The following SRR variants were observed in gnomAD, a reference collection of about 807,000 sequenced individuals.
SRR encodes serine racemase, also known as D-serine ammonia-lyase.
In SRR, 19 loss-of-function variants were observed where a neutral mutation model predicts 32.7. The observed-to-expected ratio is 0.58, with a 90% CI of 0.40 to 0.85. The LOEUF is 0.85. Among genes scored for constraint, SRR ranks in the 40% least tolerant of loss-of-function variants. SRR has a pLI of 0.00. For synonymous variants in SRR, 142 were observed against 140.9 expected (o/e 1.01, Z -0.06); for missense variants, 373 against 404.7 (o/e 0.92, Z 0.67).
intron 1 of SRR, chr17:2,309,936 T>C (rs529640494): frequency 1.3e-5 from 2 of 152,084 alleles, no homozygotes; most frequent in African/African-American, 2.4e-5. Context: ...GTTGGTTCCA[T>C]ATGGAACCAA....
chr17:2,307,493 TG>T, intron 1 of SRR: 1 of 1,436,302 alleles, frequency 7.0e-7, no homozygotes, highest in Non-Finnish European at 9.7e-7. Context: ...ATGGCTATAA[TG>T]GATTTGGTAA....
At chr17:2,314,725 C>T (rs915956139) in intron 1 of SRR, among the ~76,000 whole-genome samples, 15 of 150,716 alleles carry the variant, frequency 1.0e-4, no homozygotes, top group African/African-American at 3.4e-4. Context: ...TGCACTCCAG[C>T]CGGGACAACA....
chr17:2,319,715 T>A (rs1448929650), intron 4 of SRR, among the ~76,000 whole-genome samples: 1 of 152,178 alleles, frequency 6.6e-6, no homozygotes, highest in Non-Finnish European at 1.5e-5. Flanking sequence ...CTCACCTATA[T>A]TCAATTCAGT....
intron 6 of SRR, 39 bp downstream of exon 6, chr17:2,321,655 G>T (rs756388075): frequency 1.3e-6 from 2 of 1,581,532 alleles, no homozygotes; most frequent in East Asian, 4.5e-5. Flanking sequence ...TCAAGCAGAG[G>T]ATTTACTTTA....
chr17:2,318,856 C>T lies in SRR; in HGVS notation c.326C>T (p.Thr109Ile), dbSNP rs747203206. 6.2e-7 allele frequency: 1 copy of T among 1,613,770 alleles called. No individual in the cohort carries two copies. Among genetic ancestry groups the T allele is most frequent in the South Asian group, 1.1e-5 (1 of 91,064 alleles). Residue 109 changes from threonine (T) to isoleucine (I), a missense_variant, in exon 4 of 8, where the codon ACA (threonine) becomes ATA (isoleucine). Coordinates refer to ENST00000344595, the MANE Select transcript of SRR (RefSeq NM_021947.3). ...CCTGCTTATATTGTGGTGCCCCAGA[C>T]AGCTCCAGACTGTAAAAAACTTGCA... is the stretch of plus-strand genomic sequence containing the variant. Reference protein sequence around the residue: ...GIPAYIVVPQTAPDCKKLAIQ... With the variant: ...GIPAYIVVPQIAPDCKKLAIQ...
rs188550988 is a variant in SRR, at chr17:2,309,296, C to G, written c.-5+5279C>G. On this transcript the variant is annotated intron_variant, in intron 1 of 7. Coordinates refer to ENST00000344595, the MANE Select transcript of SRR (RefSeq NM_021947.3). The stretch of plus-strand genomic sequence containing the variant: ...ATTCTTCACACTTCTCTCCCCCATT[C>G]AATCCACTATCAGGATATGTCTCTT... 1.9e-3 allele frequency among the ~76,000 whole-genome samples: 290 copies of G among 152,306 alleles called. 1 individual carries two copies. The highest frequency in any genetic ancestry group is 6.8e-3 in the African/African-American group (281 of 41,564).
chr17:2,303,675 G>T (rs1410476809), upstream of SRR: 1 of 1,495,588 alleles, frequency 6.7e-7, no homozygotes, highest in South Asian at 1.2e-5. Context: ...AGGATCCCGC[G>T]CAGCTCCGAC....
chr17:2,321,379 C>A lies in SRR; in HGVS notation c.473C>A (p.Ala158Glu). 1 of 1,612,386 alleles carries A rather than the reference C, an allele frequency of 6.2e-7. No individual in the cohort carries two copies. The highest frequency in any genetic ancestry group is 1.1e-5 in the South Asian group (1 of 90,694). ...ATGGTACATCCCAACCAGGAGCCTGCAGTGATAGCTGGACAAGGGACAATT... is the reference window on the plus strand; with the variant it reads ...ATGGTACATCCCAACCAGGAGCCTGAAGTGATAGCTGGACAAGGGACAATT... ...GIMVHPNQEP[A>E]VIAGQGTIAL... The change falls in exon 5 of 8, where the codon GCA (alanine) becomes GAA (glutamate). Residue 158 changes from alanine (A) to glutamate (E), a missense_variant. Transcript: ENST00000344595.
intron 2 of SRR, among the ~76,000 whole-genome samples, chr17:2,317,520 A>AT (rs1491199398): frequency 1.4e-4 from 20 of 145,662 alleles, no homozygotes; most frequent in African/African-American, 5.0e-4. Flanking sequence ...GTCTAAAAAA[A>AT]TAAAAAAAAA....
intron 1 of SRR, chr17:2,315,273 C>T (rs975334708): frequency 9.3e-5 from 22 of 236,134 alleles, no homozygotes; most frequent in African/African-American, 3.8e-4. Context: ...AGATGGAGAC[C>T]AGTGGCAGTG....
At position 2,324,270 on chromosome 17, in the gene SRR, G is replaced by A; in HGVS notation, c.*397G>A. The A allele has an allele frequency of 6.4e-7, 1 of 1,553,068 alleles. No homozygotes were observed. The highest frequency in any genetic ancestry group is 8.7e-7 in the Non-Finnish European group (1 of 1,155,134). ...CAGGGTACTGGTTCTGGTACATATG[G>A]ATCATAAGTCCATTTGGGGAAGACT... On this transcript the variant is annotated 3_prime_UTR_variant, in exon 8 of 8. Transcript: ENST00000344595.
intron 4 of SRR, among the ~76,000 whole-genome samples, chr17:2,319,190 C>G (rs954954618): frequency 1.3e-5 from 2 of 152,204 alleles, no homozygotes; most frequent in African/African-American, 2.4e-5. Context: ...AACTTTCCCA[C>G]TTGATGTCTT....
In SRR at chr17:2,324,371, G is replaced by A; in HGVS notation, c.*498G>A. The A allele has an allele frequency of 6.4e-7, 1 of 1,574,010 alleles. No individual in the cohort carries two copies. ...AAAGCTGCATTTCATGTGGCCATGG[G>A]TACCTAGAAAGACATCAGAACAAGT... On this transcript the variant is annotated 3_prime_UTR_variant, in exon 8 of 8. Transcript: ENST00000344595.
chr17:2,322,296 T>C (rs2075536262), intron 6 of SRR, among the ~76,000 whole-genome samples: 1 of 152,172 alleles, frequency 6.6e-6, no homozygotes, highest in Admixed American at 6.5e-5. Context: ...ATCATAGTCT[T>C]TTCCCTGAAT....
chr17:2,323,029 T>A, intron 6 of SRR, 107 bp from the exon 7 acceptor site: 1 of 1,162,508 alleles, frequency 8.6e-7, no homozygotes, highest in Non-Finnish European at 1.3e-6. Flanking sequence ...GCTCCCAAAG[T>A]GTTGGGATTA....
At chr17:2,322,915 C>T in intron 6 of SRR, 1 of 501,028 alleles carries the variant, frequency 2.0e-6, no homozygotes. Flanking sequence ...CAGGGGTCTG[C>T]CACCACGCCT....
At chr17:2,304,192 C>G (rs1336008545) in intron 1 of SRR, among the ~76,000 whole-genome samples, 175 bp downstream of exon 1, 1 of 151,818 alleles carries the variant, frequency 6.6e-6, no homozygotes, top group African/African-American at 2.4e-5. Flanking sequence ...CAGGCCCGGC[C>G]TAGCGCCGCG....
chr17:2,312,318 A>C (rs967800607), intron 1 of SRR, among the ~76,000 whole-genome samples: 1 of 152,100 alleles, frequency 6.6e-6, no homozygotes, highest in African/African-American at 2.4e-5. Flanking sequence ...AGACATTGCC[A>C]GGCACAGTGG....
chr17:2,318,619 ATTTTTT>A (rs35847724), intron 3 of SRR, among the ~76,000 whole-genome samples: 36 of 92,534 alleles, frequency 3.9e-4, no homozygotes, highest in African/African-American at 1.3e-3. Context: ...ATGCCTGGCT[ATTTTTT>A]TTTTTTTTTT....
Sources: gnomAD v4.1 joint callset for allele counts (sites outside exome capture counted in the v4.1 genomes callset) on GRCh38, gnomAD v4.1.1 for gene constraint, MANE v1.5 for transcripts, NCBI Gene and HGNC (gene_info 2026-07-23, HGNC 2026-07-21) for gene names.